WDR70: variants seen among roughly 807,000 people sequenced by gnomAD.
The protein encoded by WDR70 is WD repeat domain 70, also known as WD repeat-containing protein 70.
A neutral mutation model predicts 88.6 loss-of-function variants in WDR70; 53 were observed. The observed-to-expected ratio is 0.60, with a 90% CI of 0.48 to 0.75. WDR70 has a LOEUF of 0.75. Ranked by LOEUF, WDR70 falls within the 30% of genes least tolerant of loss-of-function variation. The pLI is 0.00. For synonymous variants in WDR70, 280 were observed against 270.0 expected (o/e 1.04, Z -0.36); for missense variants, 610 against 823.2 (o/e 0.74, Z 3.17).
chr5:37,420,584 T>C (rs965427909), intron 5 of WDR70, among the ~76,000 whole-genome samples: 1 of 152,062 alleles, frequency 6.6e-6, no homozygotes, highest in Non-Finnish European at 1.5e-5. Context: ...GGAACAAAGG[T>C]GCATGCCACC....
At chr5:37,632,127 T>G (rs1424098400) in intron 10 of WDR70, among the ~76,000 whole-genome samples, 2 of 152,182 alleles carry the variant, frequency 1.3e-5, no homozygotes, top group Non-Finnish European at 2.9e-5. Flanking sequence ...AAAATTTATA[T>G]TACCTGGTGA....
At chr5:37,580,674 G>C (rs555402429) in intron 9 of WDR70, among the ~76,000 whole-genome samples, 3 of 152,262 alleles carry the variant, frequency 2.0e-5, no homozygotes, top group African/African-American at 7.2e-5. Flanking sequence ...TTTCCTTTGA[G>C]AGACTAAACT....
Position 37,567,717 on chromosome 5 carries a change from GA to G in WDR70, c.918-37346del, listed in dbSNP as rs1742784460. ...ATCATAAAAAAAAGGGGAGGGGGGAGATTTTTTTAACCTTTGAAAGTGATAC... is the reference window on the plus strand; with the variant it reads ...ATCATAAAAAAAAGGGGAGGGGGGAGTTTTTTTAACCTTTGAAAGTGATAC... On this transcript the variant is annotated intron_variant, in intron 9 of 17. Coordinates refer to ENST00000265107, the MANE Select transcript of WDR70 (RefSeq NM_018034.4). Among the ~76,000 whole-genome samples the G allele has an allele frequency of 2.6e-5, 4 of 152,248 alleles. No individual in the cohort carries two copies. In the South Asian group the frequency reaches 6.2e-4, roughly 24 times the overall value.
chr5:37,427,305 C>A (rs533841428), intron 5 of WDR70, among the ~76,000 whole-genome samples: 22 of 151,682 alleles, frequency 1.5e-4, no homozygotes, highest in Non-Finnish European at 2.8e-4. Context: ...AGGAGAATGG[C>A]ATGAACCCGG....
At chr5:37,659,352 A>T (rs1200299705) in intron 10 of WDR70, among the ~76,000 whole-genome samples, 1 of 152,072 alleles carries the variant, frequency 6.6e-6, no homozygotes, top group Non-Finnish European at 1.5e-5. Flanking sequence ...CATGTTTTTG[A>T]TATTCTTGAA....
At position 37,697,766 on chromosome 5, in the gene WDR70, G is replaced by A; in HGVS notation, c.1192+12G>A. 1.3e-6 allele frequency: 2 copies of A among 1,599,468 alleles called. No homozygotes were observed. The highest frequency in any genetic ancestry group is 2.2e-5 in the South Asian group (2 of 90,590). ...TGCCTCTCGTGGAGGTAGGTTAAAAGCTTTCTTTTTGATGTATTTCTCTAT... is the reference window on the plus strand; with the variant it reads ...TGCCTCTCGTGGAGGTAGGTTAAAAACTTTCTTTTTGATGTATTTCTCTAT... On this transcript the variant is annotated intron_variant, in intron 11 of 17. Transcript: ENST00000265107.
At chr5:37,456,490 T>C (rs1738844220) in intron 7 of WDR70, among the ~76,000 whole-genome samples, 1 of 152,198 alleles carries the variant, frequency 6.6e-6, no homozygotes, top group Non-Finnish European at 1.5e-5. Context: ...GTCTGTTGCT[T>C]AGATAGAAAG....
At chr5:37,679,991 C>A (rs888338718) in intron 10 of WDR70, among the ~76,000 whole-genome samples, 14 of 152,344 alleles carry the variant, frequency 9.2e-5, no homozygotes, top group African/African-American at 3.1e-4. Context: ...TCTCACACTG[C>A]GACTAATTTC....
Position 37,396,520 on chromosome 5 carries a change from G to A in WDR70, c.442G>A (p.Glu148Lys). 6.2e-7 allele frequency: 1 copy of A among 1,605,406 alleles called. No homozygotes were observed. The highest frequency in any genetic ancestry group is 1.7e-5 in the Admixed American group (1 of 59,038). ...ILGPLPPPLN[E>K]EEEEAEEEEE... is the part of the protein sequence containing the mutation. Reference sequence around the variant, plus strand: ...CGGTCCTTTACCTCCACCTCTTAATGAAGAAGAAGAAGAAGCAGAGGAAGA... The same window carrying A: ...CGGTCCTTTACCTCCACCTCTTAATAAAGAAGAAGAAGAAGCAGAGGAAGA... The change falls in exon 5 of 18, where the codon GAA becomes AAA. Residue 148 changes from glutamate to lysine, a missense_variant. Around this residue, in one of 4 missense-constraint regions of WDR70, gnomAD observed 203 missense variants for 228.1 expected, o/e 0.89. Coordinates refer to ENST00000265107, the MANE Select transcript of WDR70 (RefSeq NM_018034.4).
At chr5:37,649,990 GCCT>G (rs1448508052) in intron 10 of WDR70, among the ~76,000 whole-genome samples, 8 of 52,238 alleles carry the variant, frequency 1.5e-4, no homozygotes, top group Non-Finnish European at 5.6e-4. Flanking sequence ...ACCCGCCTCT[GCCT>G]CCCAAAGTGC....
Position 37,678,284 on chromosome 5 carries a change from C to T in WDR70, c.1093-19371C>T, listed in dbSNP as rs141994620. 3.2e-4 allele frequency among the ~76,000 whole-genome samples: 48 copies of T among 152,010 alleles called. No homozygotes were observed. The East Asian group carries it at 8.3e-3, about 26-fold the overall frequency. On this transcript the variant is annotated intron_variant, in intron 10 of 17. Transcript: ENST00000265107. ...TTTGATCCTGTCATCATGATGTTAG[C>T]TGGTTATTTTGCTCGTTAGTTGATG...
chr5:37,496,049 G>T (rs549851841), intron 8 of WDR70, among the ~76,000 whole-genome samples: 1 of 152,264 alleles, frequency 6.6e-6, no homozygotes, highest in East Asian at 1.9e-4. Context: ...TGGGTCGGGT[G>T]GGGACTTGGA....
At chr5:37,462,981 A>G (rs909576035) in intron 7 of WDR70, among the ~76,000 whole-genome samples, 5 of 152,080 alleles carry the variant, frequency 3.3e-5, no homozygotes. Flanking sequence ...TCCATGAAAT[A>G]AGGAGACTAA....
At position 37,431,963 on chromosome 5, in the gene WDR70, A is replaced by T. The variant is rs1212072945; in HGVS notation, c.493-5959A>T. On this transcript the variant is annotated intron_variant, in intron 5 of 17. Coordinates refer to ENST00000265107, the MANE Select transcript of WDR70 (RefSeq NM_018034.4). ...TGTTGATTAATTCATCCATCAGTGG[A>T]TACTTGGGTTGCTTTTCACCTCTTG... 2.0e-5 allele frequency among the ~76,000 whole-genome samples: 3 copies of T among 152,302 alleles called. No individual in the cohort carries two copies. In the East Asian group the frequency reaches 5.8e-4, roughly 29 times the overall value.
intron 9 of WDR70, among the ~76,000 whole-genome samples, chr5:37,587,059 AG>A: frequency 6.6e-6 from 1 of 152,262 alleles, no homozygotes; most frequent in African/African-American, 2.4e-5. Context: ...CCATTGCCTT[AG>A]AACAGGCCTT....
chr5:37,687,310 C>A (rs1352903493), intron 10 of WDR70, among the ~76,000 whole-genome samples: 1 of 152,116 alleles, frequency 6.6e-6, no homozygotes, highest in Non-Finnish European at 1.5e-5. Flanking sequence ...GTCTTCATCT[C>A]AATCAACTAA....
intron 5 of WDR70, among the ~76,000 whole-genome samples, chr5:37,398,720 GAATAA>G (rs1433797111): frequency 2.0e-5 from 3 of 152,058 alleles, no homozygotes; most frequent in African/African-American, 7.2e-5. Flanking sequence ...AAACAAACAA[GAATAA>G]AATAAGAATA....
At chr5:37,625,746 C>T (rs984854999) in intron 10 of WDR70, among the ~76,000 whole-genome samples, 1 of 152,050 alleles carries the variant, frequency 6.6e-6, no homozygotes. Flanking sequence ...CCAGGCTGGT[C>T]TTGAACTCCT....
chr5:37,642,041 G>A (rs1028868234), intron 10 of WDR70, among the ~76,000 whole-genome samples: 4 of 152,180 alleles, frequency 2.6e-5, no homozygotes, highest in African/African-American at 7.2e-5. Flanking sequence ...AAGGATGATT[G>A]CTATAAGTGT....
Sources: allele counts gnomAD v4.1 joint callset (sites outside exome capture counted in the v4.1 genomes callset), GRCh38; gene constraint gnomAD v4.1.1; regional missense constraint gnomAD v4.1.1; transcripts MANE v1.5; gene names NCBI Gene and HGNC (gene_info 2026-07-23, HGNC 2026-07-21).